Variants in USP25 observed in about 807,000 individuals in gnomAD.
The protein encoded by USP25 is ubiquitin specific peptidase 25.
Under a neutral mutation model 158.5 loss-of-function variants are expected in USP25, and 85 were observed. The observed-to-expected ratio is 0.54, with a 90% CI of 0.45 to 0.64. The LOEUF is 0.64. Among genes scored for constraint, USP25 ranks in the 30% least tolerant of loss-of-function variants. The pLI is 0.00. For synonymous variants in USP25, 464 were observed against 460.4 expected (o/e 1.01, Z -0.10); for missense variants, 1,242 against 1,327.3 (o/e 0.94, Z 1.00).
At chr21:15,734,491 C>T (rs1361914292) in intron 1 of USP25, among the ~76,000 whole-genome samples, 3 of 152,008 alleles carry the variant, frequency 2.0e-5, no homozygotes, top group African/African-American at 7.2e-5. Flanking sequence ...TTTTCTTATT[C>T]TTTCCTTTTC....
intron 1 of USP25, among the ~76,000 whole-genome samples, chr21:15,743,103 T>C (rs914803309): frequency 1.3e-5 from 2 of 151,746 alleles, no homozygotes; most frequent in African/African-American, 4.8e-5. Context: ...TGAATGGGGG[T>C]GTGTTAGAGC....
At chr21:15,847,118 T>A (rs2038658213) in intron 18 of USP25, among the ~76,000 whole-genome samples, 1 of 152,142 alleles carries the variant, frequency 6.6e-6, no homozygotes, top group Non-Finnish European at 1.5e-5. Flanking sequence ...CACAATTGAT[T>A]ACCAAAAACA....
At chr21:15,856,521 G>C (rs1660877469) in intron 20 of USP25, among the ~76,000 whole-genome samples, 3 of 151,844 alleles carry the variant, frequency 2.0e-5, no homozygotes, top group Admixed American at 2.0e-4. Context: ...GCCCAGGCTG[G>C]AGTGCAGTGG....
intron 24 of USP25, chr21:15,876,176 A>G (rs548660914): frequency 6.6e-6 from 1 of 152,220 alleles, no homozygotes; most frequent in Non-Finnish European, 1.5e-5. Flanking sequence ...GATTTCCAGG[A>G]CATTCTTTGA....
chr21:15,850,860 G>A (rs565177399), intron 20 of USP25, among the ~76,000 whole-genome samples: 2 of 151,914 alleles, frequency 1.3e-5, no homozygotes, highest in African/African-American at 4.8e-5. Context: ...GGGACTGAGG[G>A]ATTTCCTGGA....
At chr21:15,877,696 G>A (rs989474386) in intron 24 of USP25, 100 bp from the exon 25 acceptor site, 3 of 837,874 alleles carry the variant, frequency 3.6e-6, no homozygotes, top group Non-Finnish European at 5.6e-6. Flanking sequence ...AATACTGTTT[G>A]TGAACATATT....
rs929075888 is a variant in USP25 at position 15,878,539 on chromosome 21, T to C, written c.*64T>C. On this transcript the variant is annotated 3_prime_UTR_variant, in exon 26 of 26. Transcript: ENST00000400183. ...TTAGTTCTTAACCCTTGCCTTCCTG[T>C]CACAGGGTTTGCTTGTTGCTGCTAT... is the stretch of plus-strand genomic sequence containing the variant. 2.0e-6 allele frequency: 3 copies of C among 1,505,712 alleles called. No homozygotes were observed. The highest frequency in any genetic ancestry group is 2.7e-5 in the South Asian group (2 of 74,698). 93.3% of individuals were successfully genotyped at this position (1,505,712 alleles called of 1,614,324 possible).
chr21:15,796,394 G>A (rs1460622842), intron 5 of USP25, among the ~76,000 whole-genome samples: 1 of 151,478 alleles, frequency 6.6e-6, no homozygotes, highest in Non-Finnish European at 1.5e-5. Flanking sequence ...GCATCACAGA[G>A]TACTAAAGCA....
intron 4 of USP25, among the ~76,000 whole-genome samples, chr21:15,786,369 T>A (rs919649279): frequency 2.6e-5 from 4 of 152,134 alleles, no homozygotes; most frequent in African/African-American, 9.6e-5. Flanking sequence ...TCAACCTAGA[T>A]GCAGAAATTC....
rs1276721973 is a variant in USP25, at chr21:15,788,458, C to T, written c.393-3044C>T. Among the ~76,000 whole-genome samples the T allele has an allele frequency of 2.0e-5, 3 of 152,084 alleles. No individual in the cohort carries two copies. The South Asian group carries it at 6.2e-4, about 31-fold the overall frequency. On this transcript the variant is annotated intron_variant, in intron 4 of 25. Transcript: ENST00000400183. ...CTTCATCATCCATTTACTTTAAAAA[C>T]GTGTTTATCACTCATTTATAATGTT...
chr21:15,864,421 G>GATAGAAATTTGAGTTTTGATGAAAGGTA lies in USP25; in HGVS notation c.2704_2726+5dup. ...GAAAACATTACTAGAACAATTTGGA[G>GATAGAAATTTGAGTTTTGATGAAAGGTA]ATAGAAATTTGAGTTTTGATGAAAG... On this transcript the variant is annotated stop_gained and frameshift_variant, in exon 21 of 26. Transcript: ENST00000400183. LOFTEE classifies it high-confidence loss of function. 1 of 1,601,822 alleles carries GATAGAAATTTGAGTTTTGATGAAAGGTA rather than the reference G, an allele frequency of 6.2e-7. No individual in the cohort carries two copies. Among genetic ancestry groups the GATAGAAATTTGAGTTTTGATGAAAGGTA allele is most frequent in the Middle Eastern group, 1.7e-4 (1 of 6,022 alleles).
At chr21:15,760,210 C>G (rs2033645588) in intron 1 of USP25, among the ~76,000 whole-genome samples, 1 of 152,178 alleles carries the variant, frequency 6.6e-6, no homozygotes, top group Non-Finnish European at 1.5e-5. Context: ...CTTTGTGAGG[C>G]TTTTGTAAGT....
intron 1 of USP25, among the ~76,000 whole-genome samples, chr21:15,736,041 A>AT (rs200940205): frequency 8.9e-4 from 131 of 146,804 alleles, no homozygotes; most frequent in African/African-American, 2.4e-3. Context: ...TAGACATGCC[A>AT]TTTTTTTTAT....
At chr21:15,858,968 A>G (rs951679668) in intron 20 of USP25, among the ~76,000 whole-genome samples, 1 of 151,698 alleles carries the variant, frequency 6.6e-6, no homozygotes, top group Non-Finnish European at 1.5e-5. Flanking sequence ...TCTATGTTTA[A>G]AAAAATTATT....
Position 15,849,789 on chromosome 21 carries a change from C to A in USP25, c.2464C>A (p.Pro822Thr). The A allele has an allele frequency of 6.5e-7, 1 of 1,534,904 alleles. No homozygotes were observed. The highest frequency in any genetic ancestry group is 8.8e-7 in the Non-Finnish European group (1 of 1,140,534). ...TCTTCTGTGGCAGATCATGATGACACCGAACATGCAAGGTATTATCATGGC... is the reference window on the plus strand; with the variant it reads ...TCTTCTGTGGCAGATCATGATGACAACGAACATGCAAGGTATTATCATGGC... ...GGYDDEIMMT[P>T]NMQGIIMAIG... Residue 822 changes from proline (P) to threonine (T), a missense_variant, in exon 20 of 26, where the codon CCG becomes ACG. Transcript: ENST00000400183.
At chr21:15,873,944 A>T (rs1363198295) in intron 23 of USP25, among the ~76,000 whole-genome samples, 4 of 151,440 alleles carry the variant, frequency 2.6e-5, no homozygotes, top group Non-Finnish European at 5.9e-5. Flanking sequence ...TCAGTAACTA[A>T]AACTGTCTGC....
At chr21:15,762,430 G>A (rs1426471522) in intron 1 of USP25, among the ~76,000 whole-genome samples, 1 of 152,170 alleles carries the variant, frequency 6.6e-6, no homozygotes, top group Non-Finnish European at 1.5e-5. Context: ...TTTTATGACA[G>A]ATTGGACAGT....
At chr21:15,736,014 A>G (rs1216772142) in intron 1 of USP25, among the ~76,000 whole-genome samples, 1 of 147,066 alleles carries the variant, frequency 6.8e-6, no homozygotes, top group African/African-American at 2.6e-5. Context: ...ATGTATGTAC[A>G]TATATATATA....
intron 5 of USP25, among the ~76,000 whole-genome samples, chr21:15,794,611 G>A (rs2035766628): frequency 6.6e-6 from 1 of 151,470 alleles, no homozygotes; most frequent in Non-Finnish European, 1.5e-5. Flanking sequence ...CGAGAAGTAA[G>A]GTGCTCATAC....
Sources: allele counts gnomAD v4.1 joint callset (sites outside exome capture counted in the v4.1 genomes callset), GRCh38; gene constraint gnomAD v4.1.1; transcripts MANE v1.5; gene names NCBI Gene and HGNC (gene_info 2026-07-23, HGNC 2026-07-21).